Variants in TNRC18 observed in about 807,000 individuals in gnomAD.
The protein encoded by TNRC18 is trinucleotide repeat-containing gene 18 protein.
In TNRC18, 69 loss-of-function variants were observed where a neutral mutation model predicts 226.7. The ratio of observed to expected loss-of-function variants is 0.30; its 90% confidence interval spans 0.25 to 0.37. The LOEUF is 0.37. Among genes scored for constraint, TNRC18 ranks in the 10% least tolerant of loss-of-function variants. The pLI is 1.00. For missense variants in TNRC18, 4,754 were observed against 4,256.6 expected (o/e 1.12, Z -3.25); for synonymous variants, 2,449 against 1,927.6 (o/e 1.27, Z -7.09).
rs1036501118 is a variant in TNRC18, at chr7:5,389,141, C to A, written c.683G>T (p.Arg228Leu). The A allele has an allele frequency of 1.5e-6, 2 of 1,318,764 alleles. No homozygotes were observed. The highest frequency in any genetic ancestry group is 1.9e-6 in the Non-Finnish European group (2 of 1,034,486). 81.7% of individuals were successfully genotyped at this position (1,318,764 alleles called of 1,614,324 possible). ...PLFGKKDPRA[R>L]GEEASGPRGV... ...CCGTGGCCCCGAGGCCTCCTCGCCC[C>A]GGGCGCGCGGGTCCTTCTTGCCGAA... Residue 228 changes from arginine to leucine, a missense_variant, in exon 5 of 30, where the codon CGG becomes CTG. By Grantham distance (102) the Arg-to-Leu change is moderately radical. Transcript: ENST00000430969.
Position 5,377,159 on chromosome 7 carries a change from C to G in TNRC18, c.2462-166G>C, listed in dbSNP as rs899546755. Among the ~76,000 whole-genome samples, 1 of 152,224 alleles carries G rather than the reference C, an allele frequency of 6.6e-6. No homozygotes were observed. Among genetic ancestry groups the G allele is most frequent in the South Asian group, 2.1e-4 (1 of 4,836 alleles). ...GCTGGCTGCAAAGAGCACCCCAGAG[C>G]CACCCGCATTGGGCATCTGCCCCAA... On this transcript the variant is annotated intron_variant, in intron 7 of 29. Coordinates refer to ENST00000430969, the MANE Select transcript of TNRC18 (RefSeq NM_001080495.3). The surrounding 1 kb of genome is among the most constrained non-coding windows in gnomAD (Gnocchi z 5.8).
intron 11 of TNRC18, among the ~76,000 whole-genome samples, chr7:5,368,749 G>A (rs920772357): frequency 6.6e-6 from 1 of 151,806 alleles, no homozygotes; most frequent in African/African-American, 2.4e-5. Flanking sequence ...CTTAATTTGA[G>A]AAGTAAATAT....
chr7:5,350,148 G>T (rs899185710), intron 17 of TNRC18, among the ~76,000 whole-genome samples: 1 of 152,082 alleles, frequency 6.6e-6, no homozygotes, highest in Non-Finnish European at 1.5e-5. Flanking sequence ...GGCCGGGGAG[G>T]GAGAAGGGGA....
chr7:5,393,358 A>G (rs1780435154), intron 3 of TNRC18, among the ~76,000 whole-genome samples: 1 of 152,198 alleles, frequency 6.6e-6, no homozygotes, highest in Non-Finnish European at 1.5e-5. Context: ...AGACTCGCTG[A>G]CCTCATCTGT....
intron 2 of TNRC18, among the ~76,000 whole-genome samples, chr7:5,403,602 G>C (rs1748130631): frequency 6.6e-6 from 1 of 151,990 alleles, no homozygotes; most frequent in South Asian, 2.1e-4. Context: ...ACCAGCCTGG[G>C]CAACCTAGCA....
chr7:5,403,929 C>T (rs946648523), intron 2 of TNRC18, among the ~76,000 whole-genome samples: 3 of 152,092 alleles, frequency 2.0e-5, no homozygotes, highest in East Asian at 1.9e-4. Flanking sequence ...TAGGTGTTTC[C>T]GAGATAGCAG....
chr7:5,331,461 TA>T (rs945543114), intron 19 of TNRC18, among the ~76,000 whole-genome samples: 11 of 148,826 alleles, frequency 7.4e-5, no homozygotes, highest in East Asian at 2.0e-4. Flanking sequence ...TTTTAACCTC[TA>T]AAAAAAAAAT....
intron 3 of TNRC18, among the ~76,000 whole-genome samples, chr7:5,392,103 A>G (rs1780344109): frequency 6.6e-6 from 1 of 152,044 alleles, no homozygotes; most frequent in African/African-American, 2.4e-5. Flanking sequence ...CTTGTCAATA[A>G]TCATGCCATT....
intron 16 of TNRC18, among the ~76,000 whole-genome samples, chr7:5,355,050 G>A (rs1240773699): frequency 6.6e-6 from 1 of 152,208 alleles, no homozygotes; most frequent in Non-Finnish European, 1.5e-5. Flanking sequence ...ACCCGCCCCA[G>A]GGCCTGGGGA....
chr7:5,345,517 G>GTCCCCCCCCCCC, intron 18 of TNRC18, 45 bp downstream of exon 18: 6 of 377,744 alleles, frequency 1.6e-5, no homozygotes, highest in South Asian at 1.3e-4. Flanking sequence ...AATGGCGTCC[G>GTCCCCCCCCCCC]CCCCTCCCAC....
At chr7:5,323,198 C>T (rs1269033866) in intron 21 of TNRC18, among the ~76,000 whole-genome samples, 1 of 152,090 alleles carries the variant, frequency 6.6e-6, no homozygotes, top group African/African-American at 2.4e-5. Context: ...CCTTCTCACT[C>T]GCTCCCCCAT....
chr7:5,360,935 C>G (rs1424061026), intron 14 of TNRC18, among the ~76,000 whole-genome samples: 1 of 152,154 alleles, frequency 6.6e-6, no homozygotes, highest in East Asian at 1.9e-4. Flanking sequence ...AGCGTCTACC[C>G]CACCCTCCTG....
At chr7:5,332,592 T>C (rs1243399286) in intron 19 of TNRC18, 30 bp downstream of exon 19, 26 of 1,507,606 alleles carry the variant, frequency 1.7e-5, no homozygotes, top group East Asian at 2.7e-5. Flanking sequence ...GGGACCCTTC[T>C]GCGGCACCCC....
In TNRC18 at chr7:5,362,839, G is replaced by C; in HGVS notation, c.4220-14C>G. The C allele has an allele frequency of 6.7e-7, 1 of 1,502,254 alleles. No individual in the cohort carries two copies. The allele number at this position is 1,502,254 out of a possible 1,614,324, so 93.1% of individuals were successfully genotyped here. On this transcript the variant is annotated splice_polypyrimidine_tract_variant and intron_variant, in intron 11 of 29. Coordinates refer to ENST00000430969, the MANE Select transcript of TNRC18 (RefSeq NM_001080495.3). ...CCCGCTCCGCACCTGTGGACAGGAGGTAGGTAACAGGGCGCTGCTGCCACC... is the reference window on the plus strand; with the variant it reads ...CCCGCTCCGCACCTGTGGACAGGAGCTAGGTAACAGGGCGCTGCTGCCACC...
chr7:5,357,320 C>T, intron 15 of TNRC18, 44 bp from the exon 16 acceptor site: 1 of 1,559,968 alleles, frequency 6.4e-7, no homozygotes, highest in Non-Finnish European at 8.7e-7. Context: ...TCTGACAAAA[C>T]AGTATAGTGG....
At chr7:5,403,227 C>T (rs1045453974) in intron 2 of TNRC18, among the ~76,000 whole-genome samples, 5 of 150,682 alleles carry the variant, frequency 3.3e-5, no homozygotes, top group African/African-American at 1.2e-4. Flanking sequence ...ATGGCGTGAT[C>T]TCAGCTCACC....
intron 2 of TNRC18, among the ~76,000 whole-genome samples, chr7:5,396,872 T>C (rs1780725790): frequency 6.6e-6 from 1 of 152,018 alleles, no homozygotes; most frequent in Admixed American, 6.6e-5. Context: ...GCCTCCCTTC[T>C]CCCCAATAAA....
intron 29 of TNRC18, 103 bp downstream of exon 29, chr7:5,308,772 C>T: frequency 5.4e-6 from 7 of 1,303,724 alleles, no homozygotes; most frequent in Non-Finnish European, 7.5e-6. Context: ...TGAGGGAGAC[C>T]ATGGGGGACA....
At chr7:5,378,072 T>A (rs1347902554) in intron 5 of TNRC18, 48 bp from the exon 6 acceptor site, 1 of 1,539,628 alleles carries the variant, frequency 6.5e-7, no homozygotes, top group African/African-American at 1.4e-5. Flanking sequence ...ACCGAGCCCA[T>A]CCCAGACCCA....
Sources: allele counts gnomAD v4.1 joint callset (sites outside exome capture counted in the v4.1 genomes callset), GRCh38; gene constraint gnomAD v4.1.1; non-coding constraint Gnocchi (gnomAD v3.1); transcripts MANE v1.5; gene names NCBI Gene and HGNC (gene_info 2026-07-23, HGNC 2026-07-21).